Variants in GIMAP4 observed in about 807,000 individuals in gnomAD.
GIMAP4 encodes GTPase, IMAP family member 4, also known as GTPase IMAP family member 4.
In GIMAP4, 12 loss-of-function variants were observed where a neutral mutation model predicts 10.8. The observed-to-expected ratio is 1.11, with a 90% CI of 0.71 to 1.81. GIMAP4 has a LOEUF of 1.81. GIMAP4 is among the 40% of genes most tolerant of loss of function. GIMAP4 has a pLI of 0.00. For synonymous variants in GIMAP4, 149 were observed against 147.2 expected, an observed-to-expected ratio of 1.01 and a Z score of -0.09; for missense variants, 412 against 404.6, an observed-to-expected ratio of 1.02 and a Z score of -0.16.
rs1795733681 is a variant in GIMAP4 at position 150,571,985 on chromosome 7, A to C, written c.59-144A>C. 9.7e-6 allele frequency: 6 copies of C among 616,946 alleles called. No homozygotes were observed. The South Asian group carries it at 1.2e-4, about 13-fold the overall frequency. 38.2% of individuals were successfully genotyped at this position (616,946 alleles called of 1,614,324 possible). A position where few individuals can be genotyped will look rare whatever the true frequency, so the allele number is the denominator to read the frequency against. On this transcript the variant is annotated intron_variant, in intron 2 of 2. Coordinates refer to ENST00000255945, the MANE Select transcript of GIMAP4 (RefSeq NM_018326.3). Reference sequence around the variant, plus strand: ...ACTGAAAAATGAGCATCAGGCCTACAGGAATCTCTGAGTGCAGCAGTAACA... The same window carrying C: ...ACTGAAAAATGAGCATCAGGCCTACCGGAATCTCTGAGTGCAGCAGTAACA...
chr7:150,569,045 G>T (rs1424912870), intron 1 of GIMAP4, among the ~76,000 whole-genome samples: 1 of 152,152 alleles, frequency 6.6e-6, no homozygotes, highest in Non-Finnish European at 1.5e-5. Context: ...GGGTAGTGTG[G>T]CTCACACATA....
At chr7:150,570,194 A>C (rs1435727265) in intron 2 of GIMAP4, among the ~76,000 whole-genome samples, 1 of 152,166 alleles carries the variant, frequency 6.6e-6, no homozygotes, top group Non-Finnish European at 1.5e-5. Context: ...AGCTAAGCAG[A>C]AGAGAGATTA....
At position 150,573,391 on chromosome 7, in the gene GIMAP4, T is replaced by C. The variant is rs759844210; in HGVS notation, c.*331T>C. ...AATCTTTTCTTCTAGATTCTTTCTATGTTGGCAGATAATCTCCCCTTGTAG... is the reference window on the plus strand; with the variant it reads ...AATCTTTTCTTCTAGATTCTTTCTACGTTGGCAGATAATCTCCCCTTGTAG... On this transcript the variant is annotated 3_prime_UTR_variant, in exon 3 of 3. Coordinates refer to ENST00000255945, the MANE Select transcript of GIMAP4 (RefSeq NM_018326.3). The C allele has an allele frequency of 5.6e-4, 103 of 183,926 alleles. 1 individual carries two copies. Among genetic ancestry groups the C allele is most frequent in the Non-Finnish European group, 2.7e-4 (24 of 88,422 alleles). 11.4% of individuals were successfully genotyped at this position (183,926 alleles called of 1,614,324 possible).
chr7:150,571,296 A>G (rs1414123150), intron 2 of GIMAP4, among the ~76,000 whole-genome samples: 4 of 152,226 alleles, frequency 2.6e-5, no homozygotes, highest in Non-Finnish European at 2.9e-5. Context: ...CGCTTCTTTC[A>G]TCCCAGAATT....
chr7:150,572,567 A>T lies in GIMAP4; in HGVS notation c.497A>T (p.Asp166Val). Residue 166 changes from aspartate (D) to valine (V), a missense_variant, in exon 3 of 3, where the codon GAC becomes GTC. Coordinates refer to ENST00000255945, the MANE Select transcript of GIMAP4 (RefSeq NM_018326.3). Reference protein sequence around the residue: ...KDDLGDTNLHDYLREAPEDIQ... With the variant: ...KDDLGDTNLHVYLREAPEDIQ... ...GACTTAGGTGACACCAATTTGCATG[A>T]CTACTTAAGGGAAGCTCCAGAAGAC... 6.2e-7 allele frequency: 1 copy of T among 1,614,108 alleles called. No individual in the cohort carries two copies. Among genetic ancestry groups the T allele is most frequent in the East Asian group, 2.2e-5 (1 of 44,878 alleles).
At chr7:150,571,836 C>T (rs1795731998) in intron 2 of GIMAP4, among the ~76,000 whole-genome samples, 2 of 152,182 alleles carry the variant, frequency 1.3e-5, no homozygotes, top group South Asian at 4.1e-4. Flanking sequence ...TAGTTCTCTT[C>T]TGAAACCATT....
rs1795752562 is a variant in GIMAP4 at position 150,572,859 on chromosome 7, C to T, written c.789C>T (p.Ile263=). ...ARIREEYEEK[I]RKLEDKVEQE... ...TAAGAGAGGAGTATGAAGAGAAAAT[C>T]AGAAAGCTGGAAGATAAAGTGGAGC... Residue 263 remains isoleucine, a synonymous_variant, in exon 3 of 3, where the codon ATC becomes ATT. Transcript: ENST00000255945. The T allele has an allele frequency of 1.2e-6, 2 of 1,613,426 alleles. No individual in the cohort carries two copies. Among genetic ancestry groups the T allele is most frequent in the African/African-American group, 1.3e-5 (1 of 74,802 alleles).
In GIMAP4 at chr7:150,572,656, G is replaced by A. The variant is rs983726151; in HGVS notation, c.586G>A (p.Ala196Thr). 1.1e-5 allele frequency: 18 copies of A among 1,614,072 alleles called. No individual in the cohort carries two copies. The African/African-American group carries it at 2.0e-4, about 18-fold the overall frequency. The change falls in exon 3 of 3, where the codon GCT becomes ACT. Residue 196 changes from alanine to threonine, a missense_variant. Physicochemically the swap from Ala to Thr is moderately conservative, Grantham distance 58 (BLOSUM62 0). Transcript: ENST00000255945. ...YCALNNKATGAEQEAQRAQLL... is the reference protein window; with the variant it reads ...YCALNNKATGTEQEAQRAQLL... ...TGCGTTAAACAACAAGGCAACAGGC[G>A]CTGAGCAGGAGGCCCAGAGGGCACA...
Position 150,569,930 on chromosome 7 carries a change from T to G in GIMAP4, c.29T>G (p.Phe10Cys). The change falls in exon 2 of 3, where the codon TTC (phenylalanine) becomes TGC (cysteine). Residue 10 changes from phenylalanine to cysteine, a missense_variant. Transcript: ENST00000255945. Reference sequence around the variant, plus strand: ...GCAGCCCAATACGGCAGTATGAGCTTCAACCCCAGCACACCAGGGGCCAGT... The same window carrying G: ...GCAGCCCAATACGGCAGTATGAGCTGCAACCCCAGCACACCAGGGGCCAGT... MAAQYGSMS[F>C]NPSTPGASYG... The G allele has an allele frequency of 6.3e-7, 1 of 1,575,866 alleles. No homozygotes were observed. Among genetic ancestry groups the G allele is most frequent in the Non-Finnish European group, 8.7e-7 (1 of 1,154,220 alleles).
intron 2 of GIMAP4, 181 bp downstream of exon 2, chr7:150,570,140 TCTTTCTTGAC>T (rs1342985894): frequency 4.8e-6 from 3 of 620,058 alleles, no homozygotes; most frequent in African/African-American, 1.8e-5. Context: ...TGCTCTTTCA[TCTTTCTTGAC>T]CCTCTGCACT....
intron 2 of GIMAP4, 98 bp from the exon 3 acceptor site, chr7:150,572,031 C>A: frequency 1.4e-6 from 1 of 732,116 alleles, no homozygotes; most frequent in Non-Finnish European, 2.3e-6. Flanking sequence ...CCCCCACAGC[C>A]AGTAACGGAG....
In GIMAP4 at chr7:150,572,276, G is replaced by A. The variant is rs748032545; in HGVS notation, c.206G>A (p.Cys69Tyr). 1 of 1,614,180 alleles carries A rather than the reference G, an allele frequency of 6.2e-7. No homozygotes were observed. Among genetic ancestry groups the A allele is most frequent in the South Asian group, 1.1e-5 (1 of 91,086 alleles). ...GCAGCAAAATCCATTACCAAGAAGTGTGAGAAACGCAGCAGCTCATGGAAG... is the reference window on the plus strand; with the variant it reads ...GCAGCAAAATCCATTACCAAGAAGTATGAGAAACGCAGCAGCTCATGGAAG... ...GTAAKSITKKCEKRSSSWKET... is the reference protein window; with the variant it reads ...GTAAKSITKKYEKRSSSWKET... Residue 69 changes from cysteine to tyrosine, a missense_variant, in exon 3 of 3, where the codon TGT becomes TAT. Coordinates refer to ENST00000255945, the MANE Select transcript of GIMAP4 (RefSeq NM_018326.3).
chr7:150,570,690 T>C (rs940030036), intron 2 of GIMAP4, among the ~76,000 whole-genome samples: 1 of 152,164 alleles, frequency 6.6e-6, no homozygotes, highest in African/African-American at 2.4e-5. Flanking sequence ...TTGGATAGCC[T>C]TATGGACATG....
At chr7:150,568,283 G>T (rs2373814) in intron 1 of GIMAP4, among the ~76,000 whole-genome samples, 63,131 of 151,968 alleles carry the variant, frequency 0.42, 13,414 homozygotes, top group East Asian at 0.52. Flanking sequence ...TTTAAAAAAT[G>T]CCATGATTTC....
In GIMAP4 at chr7:150,572,177, T is replaced by A; in HGVS notation, c.107T>A (p.Val36Glu). The part of the protein sequence containing the change: ...PRNSQLRIVL[V>E]GKTGAGKSAT... ...AATTCCCAATTGAGAATTGTGTTAG[T>A]GGGTAAAACCGGAGCAGGAAAAAGT... The change falls in exon 3 of 3, where the codon GTG becomes GAG. Residue 36 changes from valine to glutamate, a missense_variant. Coordinates refer to ENST00000255945, the MANE Select transcript of GIMAP4 (RefSeq NM_018326.3). 1 of 1,613,982 alleles carries A rather than the reference T, an allele frequency of 6.2e-7. No individual in the cohort carries two copies. Among genetic ancestry groups the A allele is most frequent in the Non-Finnish European group, 8.5e-7 (1 of 1,179,916 alleles).
At position 150,572,285 on chromosome 7, in the gene GIMAP4, G is replaced by A. The variant is rs2116720080; in HGVS notation, c.215G>A (p.Arg72His). The A allele has an allele frequency of 6.2e-7, 1 of 1,614,150 alleles. No individual in the cohort carries two copies. The highest frequency in any genetic ancestry group is 8.5e-7 in the Non-Finnish European group (1 of 1,180,014). ...TCCATTACCAAGAAGTGTGAGAAAC[G>A]CAGCAGCTCATGGAAGGAAACAGAA... ...AKSITKKCEK[R>H]SSSWKETELV... Residue 72 changes from arginine to histidine, a missense_variant, in exon 3 of 3, where the codon CGC becomes CAC. Transcript: ENST00000255945.
intron 2 of GIMAP4, 149 bp from the exon 3 acceptor site, chr7:150,571,980 C>A: frequency 1.6e-6 from 1 of 612,184 alleles, no homozygotes; most frequent in Non-Finnish European, 2.9e-6. Flanking sequence ...GAGCATCAGG[C>A]CTACAGGAAT....
At chr7:150,568,821 A>G (rs989679646) in intron 1 of GIMAP4, among the ~76,000 whole-genome samples, 1 of 152,220 alleles carries the variant, frequency 6.6e-6, no homozygotes, top group African/African-American at 2.4e-5. Flanking sequence ...AAAGTAATAC[A>G]TATTCTGTAA....
intron 1 of GIMAP4, among the ~76,000 whole-genome samples, chr7:150,568,509 G>A (rs1795690551): frequency 6.6e-6 from 1 of 152,082 alleles, no homozygotes; most frequent in Non-Finnish European, 1.5e-5. Flanking sequence ...AATGTTTGTA[G>A]GTAGCAATGA....
Sources: allele counts gnomAD v4.1 joint callset (sites outside exome capture counted in the v4.1 genomes callset), GRCh38; gene constraint gnomAD v4.1.1; transcripts MANE v1.5; gene names NCBI Gene and HGNC (gene_info 2026-07-23, HGNC 2026-07-21).